Variants in DMXL1 observed in about 807,000 individuals in gnomAD.
DMXL1 encodes dmX-like protein 1.
In DMXL1, 99 loss-of-function variants were observed where a neutral mutation model predicts 319.2. The observed-to-expected ratio is 0.31, with a 90% CI of 0.26 to 0.37. The LOEUF is 0.37. DMXL1 is among the 10% of genes least tolerant of loss of function. DMXL1 has a pLI of 1.00. For missense variants in DMXL1, 3,745 were observed against 3,595.6 expected, an observed-to-expected ratio of 1.04 and a Z score of -1.06; for synonymous variants, 1,385 against 1,235.2, an observed-to-expected ratio of 1.12 and a Z score of -2.54.
chr5:119,172,232 A>T (rs1387669838), intron 25 of DMXL1, among the ~76,000 whole-genome samples: 1 of 152,238 alleles, frequency 6.6e-6, no homozygotes, highest in Non-Finnish European at 1.5e-5. Flanking sequence ...TAAGAAAAAT[A>T]GGTACGTATG....
chr5:119,217,937 C>T (rs1274507942), intron 35 of DMXL1, among the ~76,000 whole-genome samples: 1 of 152,038 alleles, frequency 6.6e-6, no homozygotes, highest in South Asian at 2.1e-4. Flanking sequence ...TGAGCAATGA[C>T]TGGCTAAAGG....
Position 119,220,517 on chromosome 5 carries a change from G to A in DMXL1, c.8059G>A (p.Glu2687Lys), listed in dbSNP as rs1351464958. 1 of 1,613,606 alleles carries A rather than the reference G, an allele frequency of 6.2e-7. No individual in the cohort carries two copies. Among genetic ancestry groups the A allele is most frequent in the Non-Finnish European group, 8.5e-7 (1 of 1,179,612 alleles). ...IAIASSHDVQELDVSGILATQ... is the reference protein window; with the variant it reads ...IAIASSHDVQKLDVSGILATQ... ...AATCGCTTCCAGTCATGATGTTCAA[G>A]AACTGGATGTTTCTGGAATTCTGGC... The change falls in exon 36 of 44, where the codon GAA becomes AAA. Residue 2687 changes from glutamate (E) to lysine (K), a missense_variant. Glu to Lys is a moderately conservative substitution (Grantham distance 56). This residue lies in a region of DMXL1 where 1,382 missense variants were observed against 1,269.5 expected (regional missense o/e 1.09). Coordinates refer to ENST00000539542, the MANE Select transcript of DMXL1 (RefSeq NM_001290321.3).
At chr5:119,081,455 TA>T in intron 1 of DMXL1, 1 of 531,394 alleles carries the variant, frequency 1.9e-6, no homozygotes, top group Non-Finnish European at 2.4e-6. Context: ...CTTTTTAAAA[TA>T]AAACATATTT....
chr5:119,072,961 G>T (rs1334479918), intron 1 of DMXL1, among the ~76,000 whole-genome samples: 1 of 152,176 alleles, frequency 6.6e-6, no homozygotes, highest in Non-Finnish European at 1.5e-5. Context: ...ATCATCCTTA[G>T]AAGGTTTTCC....
At position 119,097,634 on chromosome 5, in the gene DMXL1, G is replaced by A. The variant is rs1440158427; in HGVS notation, c.88-345G>A. Among the ~76,000 whole-genome samples, 4 of 152,238 alleles carry A rather than the reference G, an allele frequency of 2.6e-5. No individual in the cohort carries two copies. In the East Asian group the frequency reaches 5.8e-4, roughly 22 times the overall value. ...CAGGAAATTGAGGCAGGAGAATGGC[G>A]TGAACCTGGGAGGCGGAACTTGGAG... On this transcript the variant is annotated intron_variant, in intron 1 of 43. Transcript: ENST00000539542.
At chr5:119,196,820 G>T (rs189405386) in intron 31 of DMXL1, among the ~76,000 whole-genome samples, 2 of 152,066 alleles carry the variant, frequency 1.3e-5, no homozygotes, top group African/African-American at 4.8e-5. Context: ...AAAGAAAGGG[G>T]CATGATAACA....
At chr5:119,181,167 G>A (rs1464874284) in intron 28 of DMXL1, among the ~76,000 whole-genome samples, 3 of 152,092 alleles carry the variant, frequency 2.0e-5, no homozygotes, top group Admixed American at 6.5e-5. Flanking sequence ...TATTTTGGGG[G>A]GGCCATTATA....
rs149291809 is a variant in DMXL1 at position 119,106,709 on chromosome 5, G to C, written c.364+1451G>C. On this transcript the variant is annotated intron_variant, in intron 4 of 43. Coordinates refer to ENST00000539542, the MANE Select transcript of DMXL1 (RefSeq NM_001290321.3). ...AGGGTCAGTGGCAAATGGAACAGGAGAAGGAGTGACCTTTGGAGAGGTTGT... is the reference window on the plus strand; with the variant it reads ...AGGGTCAGTGGCAAATGGAACAGGACAAGGAGTGACCTTTGGAGAGGTTGT... 3.3e-5 allele frequency among the ~76,000 whole-genome samples: 5 copies of C among 152,286 alleles called. No homozygotes were observed. The East Asian group carries it at 9.6e-4, about 29-fold the overall frequency.
At chr5:119,160,620 C>T (rs992984782) in intron 19 of DMXL1, among the ~76,000 whole-genome samples, 2 of 152,050 alleles carry the variant, frequency 1.3e-5, no homozygotes, top group African/African-American at 2.4e-5. Flanking sequence ...TATTGAATCC[C>T]CCTATTATTA....
intron 35 of DMXL1, among the ~76,000 whole-genome samples, chr5:119,219,225 T>A (rs6874843): frequency 0.42 from 64,495 of 151,934 alleles, 14,342 homozygotes; most frequent in Middle Eastern, 0.56. Context: ...CAGGAGAGGA[T>A]CTCTGAGTTT....
intron 38 of DMXL1, among the ~76,000 whole-genome samples, chr5:119,228,176 A>G (rs534597942): frequency 6.6e-6 from 1 of 152,288 alleles, no homozygotes; most frequent in Admixed American, 6.5e-5. Flanking sequence ...GAGTTCTGGA[A>G]GTTCTTACAC....
At chr5:119,192,319 A>G (rs1778838627) in intron 29 of DMXL1, among the ~76,000 whole-genome samples, 2 of 150,834 alleles carry the variant, frequency 1.3e-5, no homozygotes, top group African/African-American at 4.9e-5. Flanking sequence ...TTTCTTCTCT[A>G]CTCTCCCCTG....
chr5:119,151,926 C>T lies in DMXL1; in HGVS notation c.4595-3C>T. The T allele has an allele frequency of 1.2e-6, 2 of 1,604,312 alleles. No homozygotes were observed. Among genetic ancestry groups the T allele is most frequent in the South Asian group, 2.2e-5 (2 of 90,540 alleles). ...ACATTGCTTCCCCTTTCTCCCATTG[C>T]AGGTGGAGAAACTCTTGATGAATGT... On this transcript the variant is annotated splice_polypyrimidine_tract_variant and splice_region_variant and intron_variant, in intron 18 of 43. Transcript: ENST00000539542.
At chr5:119,125,092 A>G (rs574011818) in intron 9 of DMXL1, among the ~76,000 whole-genome samples, 39 of 152,342 alleles carry the variant, frequency 2.6e-4, no homozygotes, top group African/African-American at 9.1e-4. Flanking sequence ...TAAATCTGTT[A>G]CTGTTAATAA....
In DMXL1 at chr5:119,198,975, C is replaced by T. The variant is rs189884870; in HGVS notation, c.7745+1019C>T. 3.6e-3 allele frequency among the ~76,000 whole-genome samples: 550 copies of T among 152,282 alleles called. 2 individuals carry two copies. The highest frequency in any genetic ancestry group is 5.9e-3 in the Non-Finnish European group (398 of 68,018). On this transcript the variant is annotated intron_variant, in intron 32 of 43. Transcript: ENST00000539542. The stretch of plus-strand genomic sequence containing the variant: ...AATCACAGCTCACTGCAGCCTCCAC[C>T]TCCTAGGCACAAACAGTCCTCCTGT...
intron 38 of DMXL1, among the ~76,000 whole-genome samples, chr5:119,227,776 A>G (rs1785875437): frequency 6.6e-6 from 1 of 152,196 alleles, no homozygotes. Flanking sequence ...TATAAGAAGG[A>G]CAGGTTCTTT....
chr5:119,230,070 A>G (rs1449254168), intron 38 of DMXL1, among the ~76,000 whole-genome samples: 2 of 152,200 alleles, frequency 1.3e-5, no homozygotes, highest in Non-Finnish European at 1.5e-5. Flanking sequence ...TAAGTTGTCA[A>G]AGGGATTTGG....
intron 7 of DMXL1, 41 bp downstream of exon 7, chr5:119,116,377 A>G: frequency 6.4e-7 from 1 of 1,573,240 alleles, no homozygotes; most frequent in South Asian, 1.1e-5. Context: ...TTAAGGGAGC[A>G]TCATCTTTGT....
At chr5:119,210,980 A>T (rs1782705917) in intron 34 of DMXL1, among the ~76,000 whole-genome samples, 1 of 151,304 alleles carries the variant, frequency 6.6e-6, no homozygotes, top group Non-Finnish European at 1.5e-5. Context: ...TTCATAAGGA[A>T]AGGATGTTGG....
Sources: gnomAD v4.1 joint callset for allele counts (sites outside exome capture counted in the v4.1 genomes callset) on GRCh38, gnomAD v4.1.1 for gene constraint, gnomAD v4.1.1 regional missense constraint, MANE v1.5 for transcripts, NCBI Gene and HGNC (gene_info 2026-07-23, HGNC 2026-07-21) for gene names.